The following ZNF114 variants were observed in gnomAD, a reference collection of about 807,000 sequenced individuals.
The protein encoded by ZNF114 is zinc finger protein 114, also known as zinc finger protein 114 (Y18).
ZNF114 carries 8 observed loss-of-function variants against 6.8 expected under a neutral mutation model. The ratio of observed to expected loss-of-function variants is 1.18; its 90% CI spans 0.69 to 2.13. The LOEUF (loss-of-function observed/expected upper bound fraction) is 2.13, where lower values mean the gene tolerates loss of function less well. ZNF114 is among the 30% of genes most tolerant of loss of function. The probability of loss-of-function intolerance (pLI) is 0.00; values close to 1 mark genes in which losing one functional copy is unlikely to be tolerated. For synonymous variants in ZNF114, 169 were observed against 185.5 expected (o/e 0.91, Z 0.72); for missense variants, 472 against 519.5 (o/e 0.91, Z 0.89).
chr19:48,279,745 C>T lies in ZNF114; in HGVS notation c.-55C>T. On this transcript the variant is annotated 5_prime_UTR_variant, in exon 4 of 6. Transcript: ENST00000595607. ...CTTCTCCCAAGCTCTGCCTCACCTG[C>T]CTCCTTGAAGGAAACACGGGGAAGC... 2 of 1,613,410 alleles carry T rather than the reference C, an allele frequency of 1.2e-6. No individual in the cohort carries two copies. Among genetic ancestry groups the T allele is most frequent in the Non-Finnish European group, 1.7e-6 (2 of 1,179,554 alleles).
chr19:48,272,356 G>A (rs1369902522), intron 3 of ZNF114, among the ~76,000 whole-genome samples: 2 of 151,126 alleles, frequency 1.3e-5, no homozygotes, highest in Non-Finnish European at 2.9e-5. Context: ...AGGTTGCAGT[G>A]AGCCGAAATC....
intron 3 of ZNF114, among the ~76,000 whole-genome samples, chr19:48,275,806 C>A (rs1398299304): frequency 6.6e-6 from 1 of 151,788 alleles, no homozygotes; most frequent in Non-Finnish European, 1.5e-5. Flanking sequence ...CACGGTGAAA[C>A]CCCGTCTCTA....
At chr19:48,277,700 C>T (rs936197026) in intron 3 of ZNF114, among the ~76,000 whole-genome samples, 6 of 151,912 alleles carry the variant, frequency 3.9e-5, no homozygotes. Context: ...ATTTTCTGTT[C>T]CCAGATCAGC....
At chr19:48,279,868 C>T (rs1600842199) in intron 4 of ZNF114, 60 bp downstream of exon 4, 1 of 1,612,840 alleles carries the variant, frequency 6.2e-7, no homozygotes, top group East Asian at 2.2e-5. Flanking sequence ...GTCAATGTGC[C>T]TCTGCCTGTG....
chr19:48,286,502 C>A lies in ZNF114; in HGVS notation c.878C>A (p.Ser293Ter). Residue 293 changes from serine to a stop codon, truncating the protein, a stop_gained, in exon 6 of 6, where the codon TCA (serine) becomes TAA (stop). Transcript: ENST00000595607. LOFTEE classifies it low-confidence loss of function (END_TRUNC). ...TCTGCCAACGCTCCAAATTCCGGTT[C>A]ACACAAGAGTCATTGCACTGGAGAG... ...ATSANAPNSG[S>*]HKSHCTGEKT... 1 of 1,614,154 alleles carries A rather than the reference C, an allele frequency of 6.2e-7. No individual in the cohort carries two copies. Among genetic ancestry groups the A allele is most frequent in the Non-Finnish European group, 8.5e-7 (1 of 1,180,048 alleles).
At chr19:48,283,774 C>T (rs1425903252) in intron 5 of ZNF114, among the ~76,000 whole-genome samples, 1 of 151,712 alleles carries the variant, frequency 6.6e-6, no homozygotes, top group Admixed American at 6.6e-5. Flanking sequence ...ACTCTTGTTG[C>T]CCAGGCTGGA....
At chr19:48,277,671 C>T (rs1243348130) in intron 3 of ZNF114, among the ~76,000 whole-genome samples, 2 of 152,170 alleles carry the variant, frequency 1.3e-5, no homozygotes, top group African/African-American at 2.4e-5. Context: ...CATCTGGCAC[C>T]GCAAGGCTCA....
intron 4 of ZNF114, 51 bp downstream of exon 4, chr19:48,279,859 T>C (rs1456888634): frequency 6.2e-7 from 1 of 1,613,050 alleles, no homozygotes; most frequent in Non-Finnish European, 8.5e-7. Context: ...TTCCCACGAG[T>C]CAATGTGCCT....
At chr19:48,272,584 G>GT (rs1202940596) in intron 3 of ZNF114, among the ~76,000 whole-genome samples, 6 of 138,874 alleles carry the variant, frequency 4.3e-5, no homozygotes, top group Non-Finnish European at 9.1e-5. Flanking sequence ...TGAGGCAGGA[G>GT]AATCGCTTCT....
chr19:48,281,348 A>G (rs73045523), intron 4 of ZNF114, among the ~76,000 whole-genome samples: 37,383 of 151,578 alleles, frequency 0.25, 4,769 homozygotes, highest in Non-Finnish European at 0.29. Context: ...GGAGGCTCCA[A>G]AAAAGAATTT....
chr19:48,284,710 C>T (rs988931703), intron 5 of ZNF114, among the ~76,000 whole-genome samples: 2 of 152,214 alleles, frequency 1.3e-5, no homozygotes, highest in African/African-American at 4.8e-5. Context: ...GGATTACAGG[C>T]GTGAGCCACT....
chr19:48,274,590 T>A (rs1183697241), intron 3 of ZNF114, among the ~76,000 whole-genome samples: 1 of 151,374 alleles, frequency 6.6e-6, no homozygotes, highest in African/African-American at 2.4e-5. Context: ...CACCGCAACC[T>A]CTGCCTTCCA....
Position 48,285,750 on chromosome 19 carries a change from CT to C in ZNF114, c.137-10del, listed in dbSNP as rs757494034. 51 of 1,590,484 alleles carry C rather than the reference CT, an allele frequency of 3.2e-5. No homozygotes were observed. Among genetic ancestry groups the C allele is most frequent in the Non-Finnish European group, 4.0e-5 (47 of 1,170,828 alleles). ...AACAAAGAATTTAACTTTTGTGCCA[CT>C]GTATTTCAGATTGGGCAACTCCATG... is the stretch of plus-strand genomic sequence containing the variant. On this transcript the variant is annotated splice_polypyrimidine_tract_variant and intron_variant, in intron 5 of 5. Coordinates refer to ENST00000595607, the MANE Select transcript of ZNF114 (RefSeq NM_153608.4).
chr19:48,286,469 G>C lies in ZNF114; in HGVS notation c.845G>C (p.Gly282Ala), dbSNP rs1390137296. 1 of 1,614,124 alleles carries C rather than the reference G, an allele frequency of 6.2e-7. No individual in the cohort carries two copies. Among genetic ancestry groups the C allele is most frequent in the East Asian group, 2.2e-5 (1 of 44,886 alleles). The stretch of plus-strand genomic sequence containing the variant: ...ACAAACAAGAAGGATTGTCAAACTG[G>C]GGCAACCTCTGCCAACGCTCCAAAT... Reference protein sequence around the residue: ...AETNKKDCQTGATSANAPNSG... With the variant: ...AETNKKDCQTAATSANAPNSG... Residue 282 changes from glycine (G) to alanine (A), a missense_variant, in exon 6 of 6, where the codon GGG becomes GCG. By Grantham distance (60) the Gly-to-Ala change is moderately conservative. Transcript: ENST00000595607.
intron 3 of ZNF114, among the ~76,000 whole-genome samples, chr19:48,272,664 A>ACT (rs1168112340): frequency 3.3e-5 from 3 of 90,872 alleles, no homozygotes; most frequent in Non-Finnish European, 6.2e-5. Flanking sequence ...ACAGAGCAAG[A>ACT]CTCTCTCTCA....
chr19:48,280,017 G>A (rs570666976), intron 4 of ZNF114, among the ~76,000 whole-genome samples: 1 of 152,186 alleles, frequency 6.6e-6, no homozygotes, highest in East Asian at 1.9e-4. Flanking sequence ...GTACTGACTG[G>A]TCCTTTCCAC....
intron 3 of ZNF114, among the ~76,000 whole-genome samples, chr19:48,272,096 T>C (rs986734346): frequency 1.1e-4 from 17 of 152,168 alleles, no homozygotes; most frequent in African/African-American, 3.9e-4. Context: ...TTGCAGGGGT[T>C]GTGTTCTTTG....
At chr19:48,277,509 C>T (rs893539708) in intron 3 of ZNF114, among the ~76,000 whole-genome samples, 8 of 152,114 alleles carry the variant, frequency 5.3e-5, no homozygotes, top group Non-Finnish European at 8.8e-5. Context: ...CTGGTTTTCT[C>T]TGTCTGGGTA....
intron 3 of ZNF114, among the ~76,000 whole-genome samples, chr19:48,277,891 A>C (rs1967889379): frequency 1.3e-5 from 2 of 148,872 alleles, no homozygotes; most frequent in African/African-American, 5.0e-5. Context: ...TCTTACACTA[A>C]AAATCTGACT....
Sources: gnomAD v4.1 joint callset for allele counts (sites outside exome capture counted in the v4.1 genomes callset) on GRCh38, gnomAD v4.1.1 for gene constraint, MANE v1.5 for transcripts, NCBI Gene and HGNC (gene_info 2026-07-23, HGNC 2026-07-21) for gene names.